The following NUDT4 variants were observed in gnomAD, a reference collection of about 807,000 sequenced individuals.
NUDT4 encodes the protein diphosphoinositol polyphosphate phosphohydrolase 2.
Under a neutral mutation model 23.1 loss-of-function variants are expected in NUDT4, and 5 were observed. The ratio of observed to expected loss-of-function variants is 0.22; its 90% confidence interval spans 0.11 to 0.46. The LOEUF (loss-of-function observed/expected upper bound fraction) is 0.46, where lower values mean the gene tolerates loss of function less well. Among genes scored for constraint, NUDT4 ranks in the 20% least tolerant of loss-of-function variants. The pLI is 0.99. For synonymous variants in NUDT4, 50 were observed against 79.0 expected, an observed-to-expected ratio of 0.63 and a Z score of 1.95; for missense variants, 96 against 211.6, an observed-to-expected ratio of 0.45 and a Z score of 3.39.
chr12:93,405,620 C>G lies in NUDT4; in HGVS notation c.*6241C>G, dbSNP rs75777994. The G allele has an allele frequency of 1.3e-5, 2 of 152,116 alleles. No individual in the cohort carries two copies. The highest frequency in any genetic ancestry group is 2.4e-5 in the African/African-American group (1 of 41,400). 9.4% of individuals were successfully genotyped at this position (152,116 alleles called of 1,614,324 possible). A position where few individuals can be genotyped will look rare whatever the true frequency, so the allele number is the denominator to read the frequency against. On this transcript the variant is annotated 3_prime_UTR_variant, in exon 5 of 5. Transcript: ENST00000415493. The stretch of plus-strand genomic sequence containing the variant: ...ACTCTTGGAATATACCTGACTTCCA[C>G]GATAAAATGGAGATGAGTGCAGGGG...
At chr12:93,379,115 AG>A (rs1426973778) in intron 1 of NUDT4, among the ~76,000 whole-genome samples, 3 of 152,248 alleles carry the variant, frequency 2.0e-5, no homozygotes, top group African/African-American at 7.2e-5. Context: ...AGTAATCTCC[AG>A]CTCTCAGCTT....
Position 93,400,640 on chromosome 12 carries a change from C to T in NUDT4, c.*1261C>T, listed in dbSNP as rs1304359046. The T allele has an allele frequency of 6.6e-6, 1 of 151,114 alleles. No individual in the cohort carries two copies. The highest frequency in any genetic ancestry group is 2.4e-5 in the African/African-American group (1 of 41,298). 9.4% of individuals were successfully genotyped at this position (151,114 alleles called of 1,614,324 possible). On this transcript the variant is annotated 3_prime_UTR_variant, in exon 5 of 5. Coordinates refer to ENST00000415493, the MANE Select transcript of NUDT4 (RefSeq NM_019094.6). ...AAGATGTTTTTTTTTTTTTGAGACT[C>T]GCTTTGTCACCCAGGCTGGAGTGCA...
chr12:93,386,929 AT>A (rs1023060266), intron 1 of NUDT4, among the ~76,000 whole-genome samples: 1 of 151,334 alleles, frequency 6.6e-6, no homozygotes, highest in African/African-American at 2.4e-5. Flanking sequence ...ATGAACTCTG[AT>A]TTTTTTTTAT....
Position 93,394,616 on chromosome 12 carries a change from T to TGCA in NUDT4, c.108_109insCAG (p.Leu36_Val37insGln). 6.5e-7 allele frequency: 1 copy of TGCA among 1,548,068 alleles called. No individual in the cohort carries two copies. The highest frequency in any genetic ancestry group is 8.7e-7 in the Non-Finnish European group (1 of 1,143,292). On this transcript the variant is annotated inframe_insertion, in exon 2 of 5. Transcript: ENST00000415493. ...TTATGGTTCACCTTACAGGTGCTGC[T>TGCA]GGTGAGTAGCAGCCGGTACCCAGAC...
At chr12:93,381,405 G>A (rs1592712885) in intron 1 of NUDT4, among the ~76,000 whole-genome samples, 1 of 152,218 alleles carries the variant, frequency 6.6e-6, no homozygotes, top group Non-Finnish European at 1.5e-5. Context: ...AGTGAAAGAT[G>A]ACAATGCTTT....
chr12:93,378,643 C>G, intron 1 of NUDT4: 1 of 1,200,212 alleles, frequency 8.3e-7, no homozygotes, highest in African/African-American at 1.6e-5. Context: ...CCCAGTTTCT[C>G]CATCTGGGCA....
At chr12:93,381,441 T>G (rs1875653792) in intron 1 of NUDT4, among the ~76,000 whole-genome samples, 1 of 152,220 alleles carries the variant, frequency 6.6e-6, no homozygotes, top group Non-Finnish European at 1.5e-5. Context: ...AGAAATGGAT[T>G]CTGTTGAATG....
intron 1 of NUDT4, among the ~76,000 whole-genome samples, chr12:93,384,293 G>A (rs531334160): frequency 2.0e-5 from 3 of 151,576 alleles, no homozygotes; most frequent in Non-Finnish European, 4.4e-5. Flanking sequence ...TCAGCCTCCC[G>A]AGTAGCTGAG....
rs140684111 is a variant in NUDT4, at chr12:93,406,537, G to C, written c.*7158G>C. The C allele has an allele frequency of 6.6e-6, 1 of 152,258 alleles. No individual in the cohort carries two copies. Among genetic ancestry groups the C allele is most frequent in the Non-Finnish European group, 1.5e-5 (1 of 68,076 alleles). The allele number at this position is 152,258 out of a possible 1,614,324, so 9.4% of individuals were successfully genotyped here. A position where few individuals can be genotyped will look rare whatever the true frequency, so the allele number is the denominator to read the frequency against. On this transcript the variant is annotated 3_prime_UTR_variant, in exon 5 of 5. Coordinates refer to ENST00000415493, the MANE Select transcript of NUDT4 (RefSeq NM_019094.6). The stretch of plus-strand genomic sequence containing the variant: ...CAAGTACATTCTTGGTCTAGAGTAA[G>C]GTTCTATATAGTTGGCCCTCCATAT...
In NUDT4 at chr12:93,403,130, A is replaced by G. The variant is rs1877593075; in HGVS notation, c.*3751A>G. On this transcript the variant is annotated 3_prime_UTR_variant, in exon 5 of 5. Transcript: ENST00000415493. ...CAGTCCTCCAGCCTCAGCCTTCTCA[A>G]AGTGCTAGGATGATTGGCATGAGCC... The G allele has an allele frequency of 1.3e-5, 2 of 151,616 alleles. No individual in the cohort carries two copies. Among genetic ancestry groups the G allele is most frequent in the Admixed American group, 6.6e-5 (1 of 15,218 alleles). The allele number at this position is 151,616 out of a possible 1,614,324, so 9.4% of individuals were successfully genotyped here. A position where few individuals can be genotyped will look rare whatever the true frequency, so the allele number is the denominator to read the frequency against.
At chr12:93,394,828 C>A in intron 2 of NUDT4, 109 bp downstream of exon 2, 3 of 611,168 alleles carry the variant, frequency 4.9e-6, no homozygotes, top group South Asian at 4.3e-5. Context: ...TTGCCTGATG[C>A]AACTTTATTT....
In NUDT4 at chr12:93,378,362, C is replaced by T. The variant is rs1188645431; in HGVS notation, c.40C>T (p.Arg14Cys). 6.5e-6 allele frequency: 10 copies of T among 1,540,702 alleles called. No individual in the cohort carries two copies. Among genetic ancestry groups the T allele is most frequent in the African/African-American group, 2.8e-5 (2 of 72,624 alleles). The change falls in exon 1 of 5, where the codon CGC (arginine) becomes TGC (cysteine). Residue 14 changes from arginine to cysteine, a missense_variant. Transcript: ENST00000415493. ...FKPNQTRTYDREGFKKRAACL... is the reference protein window; with the variant it reads ...FKPNQTRTYDCEGFKKRAACL... ...GCCCAACCAGACGCGGACCTACGACCGCGAGGGCTTCAAGAAGCGGGCGGC... is the reference window on the plus strand; with the variant it reads ...GCCCAACCAGACGCGGACCTACGACTGCGAGGGCTTCAAGAAGCGGGCGGC...
intron 4 of NUDT4, 125 bp downstream of exon 4, chr12:93,398,980 A>G: frequency 3.6e-6 from 3 of 827,800 alleles, no homozygotes; most frequent in Admixed American, 6.0e-5. Context: ...TCCAGTTTCC[A>G]TCCTAGATTT....
chr12:93,384,851 G>A (rs1442064904), intron 1 of NUDT4, among the ~76,000 whole-genome samples: 1 of 152,050 alleles, frequency 6.6e-6, no homozygotes, highest in Non-Finnish European at 1.5e-5. Flanking sequence ...CCGCCTCCCA[G>A]GTTCAAGCCA....
intron 1 of NUDT4, among the ~76,000 whole-genome samples, chr12:93,387,653 A>G (rs968774448): frequency 2.0e-5 from 3 of 152,140 alleles, no homozygotes; most frequent in South Asian, 2.1e-4. Flanking sequence ...ACATGCTCCA[A>G]TGTGATACCA....
Position 93,404,533 on chromosome 12 carries a change from T to A in NUDT4, c.*5154T>A, listed in dbSNP as rs1310004601. 1.3e-5 allele frequency: 2 copies of A among 152,194 alleles called. No homozygotes were observed. The highest frequency in any genetic ancestry group is 4.8e-5 in the African/African-American group (2 of 41,444). The allele number at this position is 152,194 out of a possible 1,614,324, so 9.4% of individuals were successfully genotyped here. Reference sequence around the variant, plus strand: ...AAGCTATGGTCAAATATGTGTGTTGTAGGATTTATGAAACTGGTACCAATT... The same window carrying A: ...AAGCTATGGTCAAATATGTGTGTTGAAGGATTTATGAAACTGGTACCAATT... On this transcript the variant is annotated 3_prime_UTR_variant, in exon 5 of 5. Transcript: ENST00000415493.
intron 3 of NUDT4, among the ~76,000 whole-genome samples, chr12:93,397,450 A>G (rs1877011440): frequency 6.6e-6 from 1 of 152,194 alleles, no homozygotes; most frequent in Admixed American, 6.5e-5. Context: ...AAAGAAGGCT[A>G]ACTTTAATCA....
rs1877838005 is a variant in NUDT4 at position 93,406,705 on chromosome 12, A to G, written c.*7326A>G. On this transcript the variant is annotated 3_prime_UTR_variant, in exon 5 of 5. Coordinates refer to ENST00000415493, the MANE Select transcript of NUDT4 (RefSeq NM_019094.6). Reference sequence around the variant, plus strand: ...ACATAGCACTTACATTATAATAGGTATTATAAGTAATCTAAATATTAACAT... The same window carrying G: ...ACATAGCACTTACATTATAATAGGTGTTATAAGTAATCTAAATATTAACAT... 1 of 152,190 alleles carries G rather than the reference A, an allele frequency of 6.6e-6. No homozygotes were observed. The allele number at this position is 152,190 out of a possible 1,614,324, so 9.4% of individuals were successfully genotyped here. A position where few individuals can be genotyped will look rare whatever the true frequency, so the allele number is the denominator to read the frequency against.
chr12:93,378,656 C>T (rs1319303156), intron 1 of NUDT4: 167 of 1,187,770 alleles, frequency 1.4e-4, no homozygotes, highest in Non-Finnish European at 1.7e-4. Flanking sequence ...TCTGGGCACT[C>T]GAGAAGGCGC....
Sources: gnomAD v4.1 joint callset for allele counts (sites outside exome capture counted in the v4.1 genomes callset) on GRCh38, gnomAD v4.1.1 for gene constraint, MANE v1.5 for transcripts, NCBI Gene and HGNC (gene_info 2026-07-23, HGNC 2026-07-21) for gene names.